The following PI4KA variants were observed in gnomAD, a reference collection of about 807,000 sequenced individuals.
PI4KA encodes PI4-kinase alpha.
A neutral mutation model predicts 271.4 loss-of-function variants in PI4KA; 122 were observed. The ratio of observed to expected loss-of-function variants is 0.45; its 90% CI spans 0.39 to 0.52. The LOEUF (loss-of-function observed/expected upper bound fraction) is 0.52. Ranked by LOEUF, PI4KA falls within the 20% of genes least tolerant of loss-of-function variation. PI4KA has a pLI of 0.00. For synonymous variants in PI4KA, 1,041 were observed against 1,078.8 expected, an observed-to-expected ratio of 0.96 and a Z score of 0.69; for missense variants, 1,969 against 2,769.1, an observed-to-expected ratio of 0.71 and a Z score of 6.48.
At chr22:20,716,978 G>A (rs1346816115) in intron 45 of PI4KA, among the ~76,000 whole-genome samples, 2 of 152,152 alleles carry the variant, frequency 1.3e-5, no homozygotes, top group African/African-American at 2.4e-5. Context: ...GGGCACAGTG[G>A]CTCATGCCTG....
rs200036043 is a variant in PI4KA, at chr22:20,747,649, C to T, written c.3297G>A (p.Gly1099=). 3.7e-6 allele frequency: 6 copies of T among 1,613,778 alleles called. No homozygotes were observed. Among genetic ancestry groups the T allele is most frequent in the African/African-American group, 1.3e-5 (1 of 74,900 alleles). ...NWVSGLSQHT[G]LAMATESILH... ...GGATGCTCTCAGTGGCCATGGCCAG[C>T]CCCGTGTGCTGGGACAGTCCCGATA... The change falls in exon 29 of 55, where the codon GGG becomes GGA. Residue 1099 remains glycine (G), a synonymous_variant. Transcript: ENST00000255882.
Position 20,819,808 on chromosome 22 carries a change from G to GC in PI4KA, c.621dup (p.Leu208AlafsTer17), listed in dbSNP as rs1318696562. On this transcript the variant is annotated frameshift_variant, in exon 6 of 55. Transcript: ENST00000255882. LOFTEE classifies it high-confidence loss of function. Reference sequence around the variant, plus strand: ...GAATGAGGAGGGATTTTGGGAAAGAGCTTTGAGAGGAGAGACTCTTCCATG... The same window carrying GC: ...GAATGAGGAGGGATTTTGGGAAAGAGCCTTTGAGAGGAGAGACTCTTCCATG... The GC allele has an allele frequency of 2.5e-6, 4 of 1,614,158 alleles. No individual in the cohort carries two copies. In the Admixed American group the frequency reaches 6.7e-5, roughly 27 times the overall value.
chr22:20,811,060 CA>C, intron 8 of PI4KA, 28 bp from the exon 9 acceptor site: 1 of 1,544,088 alleles, frequency 6.5e-7, no homozygotes, highest in South Asian at 1.1e-5. Flanking sequence ...CCTCATGAAG[CA>C]ACTGACATAC....
At chr22:20,745,477 A>AT (rs955726520) in intron 29 of PI4KA, among the ~76,000 whole-genome samples, 28 of 151,642 alleles carry the variant, frequency 1.8e-4, no homozygotes, top group African/African-American at 6.3e-4. Context: ...GTTTAGAGGG[A>AT]TTTTTTTTTG....
At chr22:20,799,605 C>G (rs960751713) in intron 15 of PI4KA, 66 bp downstream of exon 15, 5 of 1,083,356 alleles carry the variant, frequency 4.6e-6, no homozygotes, top group Non-Finnish European at 6.9e-6. Flanking sequence ...CGCACAATGC[C>G]AGGTGCCCCA....
In PI4KA at chr22:20,815,827, A is replaced by T. The variant is rs565442260; in HGVS notation, c.857-2321T>A. Among the ~76,000 whole-genome samples the T allele has an allele frequency of 5.3e-5, 8 of 152,304 alleles. No homozygotes were observed. In the South Asian group the frequency reaches 1.7e-3, roughly 32 times the overall value. On this transcript the variant is annotated intron_variant, in intron 7 of 54. Coordinates refer to ENST00000255882, the MANE Select transcript of PI4KA (RefSeq NM_058004.4). Reference sequence around the variant, plus strand: ...AGAAAGACACCATGAAATATGGGCTAAGTCCTGTGTGGCTGAACCCCACAG... The same window carrying T: ...AGAAAGACACCATGAAATATGGGCTTAGTCCTGTGTGGCTGAACCCCACAG...
intron 23 of PI4KA, among the ~76,000 whole-genome samples, chr22:20,758,574 C>A (rs1188067477): frequency 1.3e-5 from 2 of 150,418 alleles, no homozygotes; most frequent in Non-Finnish European, 2.9e-5. Context: ...AAATTGGACA[C>A]CCCTGGTCTA....
At chr22:20,811,462 G>C (rs1278695150) in intron 8 of PI4KA, among the ~76,000 whole-genome samples, 2 of 151,956 alleles carry the variant, frequency 1.3e-5, no homozygotes, top group Non-Finnish European at 2.9e-5. Flanking sequence ...TTCCTCTCCG[G>C]GCCAGGTGCA....
chr22:20,741,270 T>A (rs139682194), intron 32 of PI4KA, among the ~76,000 whole-genome samples: 1 of 152,366 alleles, frequency 6.6e-6, no homozygotes, highest in Non-Finnish European at 1.5e-5. Context: ...TGTCATTTAC[T>A]GACAGCTCAC....
intron 3 of PI4KA, among the ~76,000 whole-genome samples, chr22:20,833,657 GTTTTTTTTTTTT>G (rs361962): frequency 9.6e-5 from 7 of 73,080 alleles, no homozygotes; most frequent in African/African-American, 3.9e-4. Context: ...GTTTGTTTTT[GTTTTTTTTTTTT>G]TTTTTTTTTG....
chr22:20,785,582 A>G (rs547059298), intron 19 of PI4KA, among the ~76,000 whole-genome samples: 18 of 152,186 alleles, frequency 1.2e-4, no homozygotes, highest in Non-Finnish European at 2.2e-4. Flanking sequence ...AATATTCAGC[A>G]TTGTCTAGTA....
intron 18 of PI4KA, among the ~76,000 whole-genome samples, chr22:20,795,490 C>T (rs953407155): frequency 2.0e-5 from 3 of 152,248 alleles, no homozygotes; most frequent in South Asian, 4.1e-4. Flanking sequence ...GCTCTTATAA[C>T]AGCTAGCCCA....
chr22:20,769,578 A>G (rs1218746724), intron 19 of PI4KA, among the ~76,000 whole-genome samples: 1 of 151,888 alleles, frequency 6.6e-6, no homozygotes, highest in Non-Finnish European at 1.5e-5. Context: ...CTGAAGCAGG[A>G]GAATCGCTTG....
chr22:20,858,807 C>A lies in PI4KA; in HGVS notation c.-82G>T. ...CGACCTCAGGGCGCAGGCGTAGGTG[C>A]ATCCGGCTTTCCCGCCACGTGACCT... On this transcript the variant is annotated 5_prime_UTR_variant, in exon 1 of 55. The change abolishes an upstream ATG in the 5' untranslated region. Coordinates refer to ENST00000255882, the MANE Select transcript of PI4KA (RefSeq NM_058004.4). The A allele has an allele frequency of 1.5e-6, 2 of 1,360,266 alleles. No homozygotes were observed. Among genetic ancestry groups the A allele is most frequent in the South Asian group, 3.2e-5 (2 of 62,900 alleles). The allele number at this position is 1,360,266 out of a possible 1,614,324, so 84.3% of individuals were successfully genotyped here.
chr22:20,769,257 T>A (rs781077546), intron 19 of PI4KA, among the ~76,000 whole-genome samples: 5 of 152,184 alleles, frequency 3.3e-5, no homozygotes, highest in African/African-American at 1.2e-4. Context: ...CTTGAGGACG[T>A]TGGCTTGAAA....
intron 19 of PI4KA, chr22:20,786,257 GGT>G: frequency 7.9e-7 from 1 of 1,273,480 alleles, no homozygotes; most frequent in Non-Finnish European, 1.1e-6. Flanking sequence ...CCCAGCTTGG[GGT>G]GCTGAGTCTG....
At chr22:20,795,957 T>A (rs543922889) in intron 18 of PI4KA, among the ~76,000 whole-genome samples, 189 bp downstream of exon 18, 1 of 152,236 alleles carries the variant, frequency 6.6e-6, no homozygotes, top group East Asian at 1.9e-4. Flanking sequence ...GTGAGAAAAC[T>A]GCCCTCTCCC....
At chr22:20,824,967 G>A (rs1923205308) in intron 3 of PI4KA, among the ~76,000 whole-genome samples, 1 of 146,618 alleles carries the variant, frequency 6.8e-6, no homozygotes, top group Non-Finnish European at 1.5e-5. Flanking sequence ...CCACTTGGGA[G>A]GCTGAGACAG....
chr22:20,853,996 G>A (rs1438208735), intron 1 of PI4KA, among the ~76,000 whole-genome samples: 2 of 151,880 alleles, frequency 1.3e-5, no homozygotes, highest in African/African-American at 2.4e-5. Context: ...AAGAGTAGAC[G>A]GGAAACTTGT....
Sources: gnomAD v4.1 joint callset for allele counts (sites outside exome capture counted in the v4.1 genomes callset) on GRCh38, gnomAD v4.1.1 for gene constraint, MANE v1.5 for transcripts, NCBI Gene and HGNC (gene_info 2026-07-23, HGNC 2026-07-21) for gene names.